CHRNA7: variants seen among roughly 807,000 people sequenced by gnomAD.
CHRNA7 encodes the protein neuronal acetylcholine receptor subunit alpha-7.
A neutral mutation model predicts 48.0 loss-of-function variants in CHRNA7; 17 were observed. The ratio of observed to expected loss-of-function variants is 0.35; its 90% CI spans 0.24 to 0.53. CHRNA7 has a LOEUF of 0.53. Among genes scored for constraint, CHRNA7 ranks in the 20% least tolerant of loss-of-function variants. CHRNA7 has a pLI of 0.92. For synonymous variants in CHRNA7, 75 were observed against 242.3 expected, an observed-to-expected ratio of 0.31 and a Z score of 6.41; for missense variants, 155 against 577.7, an observed-to-expected ratio of 0.27 and a Z score of 7.50.
chr15:32,079,276 AAC>A (rs1291304263), intron 2 of CHRNA7, among the ~76,000 whole-genome samples: 5 of 152,216 alleles, frequency 3.3e-5, no homozygotes, highest in African/African-American at 1.2e-4. Flanking sequence ...ACTCCCATTC[AAC>A]ATAGTATTGG....
chr15:32,067,222 A>G (rs1006435602), intron 2 of CHRNA7, among the ~76,000 whole-genome samples: 1 of 152,218 alleles, frequency 6.6e-6, no homozygotes, highest in African/African-American at 2.4e-5. Flanking sequence ...CCACACCTAG[A>G]TACATCATAA....
chr15:32,095,034 A>G (rs1278020999), intron 2 of CHRNA7, among the ~76,000 whole-genome samples: 2 of 152,252 alleles, frequency 1.3e-5, no homozygotes, highest in African/African-American at 2.4e-5. Context: ...TTGTTTTTAC[A>G]AATAAGGGAA....
At chr15:32,080,715 C>T (rs1302237726) in intron 2 of CHRNA7, among the ~76,000 whole-genome samples, 3 of 152,160 alleles carry the variant, frequency 2.0e-5, no homozygotes, top group Non-Finnish European at 4.4e-5. Context: ...TTAGTTCAAC[C>T]ATTGTGGAAG....
chr15:32,054,063 C>G lies in CHRNA7; in HGVS notation c.195+23026C>G, dbSNP rs1021927518. On this transcript the variant is annotated intron_variant, in intron 2 of 9. Transcript: ENST00000306901. ...TGGTGTCTATACTCTGGGGAGAGGACTTAGAGAGGGAGGAGAACTTATTTA... is the reference window on the plus strand; with the variant it reads ...TGGTGTCTATACTCTGGGGAGAGGAGTTAGAGAGGGAGGAGAACTTATTTA... Among the ~76,000 whole-genome samples the G allele has an allele frequency of 5.3e-5, 8 of 152,248 alleles. No individual in the cohort carries two copies. The South Asian group carries it at 1.0e-3, about 20-fold the overall frequency.
Position 32,031,681 on chromosome 15 carries a change from C to A in CHRNA7, c.195+644C>A, listed in dbSNP as rs192286269. On this transcript the variant is annotated intron_variant, in intron 2 of 9. Coordinates refer to ENST00000306901, the MANE Select transcript of CHRNA7 (RefSeq NM_000746.6). ...CCCTCCAGGCAGCTGCCATCAGTTC[C>A]GTGGGTCTCTTGCCTTGCAGCCTTG... 1.1e-4 allele frequency among the ~76,000 whole-genome samples: 16 copies of A among 152,344 alleles called. No individual in the cohort carries two copies. In the East Asian group the frequency reaches 2.9e-3, roughly 28 times the overall value.
chr15:32,122,598 G>C (rs944139881), intron 4 of CHRNA7, among the ~76,000 whole-genome samples: 1 of 151,754 alleles, frequency 6.6e-6, no homozygotes, highest in African/African-American at 2.4e-5. Flanking sequence ...TAAATAGTTT[G>C]TTTTTTATTG....
At chr15:32,111,976 A>G (rs528035597) in intron 4 of CHRNA7, 77 bp downstream of exon 4, 2 of 918,094 alleles carry the variant, frequency 2.2e-6, no homozygotes, top group African/African-American at 3.3e-5. Context: ...TGAATATTTC[A>G]CAGAGATGCT....
chr15:32,146,747 A>G (rs1464482114), intron 4 of CHRNA7, among the ~76,000 whole-genome samples: 1 of 152,228 alleles, frequency 6.6e-6, no homozygotes, highest in East Asian at 1.9e-4. Flanking sequence ...AATTTTTCCA[A>G]AATAAATTGA....
chr15:32,110,221 T>C (rs2050740917), intron 3 of CHRNA7, among the ~76,000 whole-genome samples: 1 of 151,768 alleles, frequency 6.6e-6, no homozygotes, highest in Non-Finnish European at 1.5e-5. Context: ...GGGAGAGAAA[T>C]GAAGGGAAGC....
At chr15:32,043,759 T>TTTTTTTTG (rs1465357247) in intron 2 of CHRNA7, among the ~76,000 whole-genome samples, 1 of 29,322 alleles carries the variant, frequency 3.4e-5, no homozygotes, top group Non-Finnish European at 1.5e-4. Context: ...TACTCGTATA[T>TTTTTTTTG]TTACCTTTTT....
chr15:32,142,176 ATCATGTGGTTTTTG>A (rs1354319610), intron 4 of CHRNA7, among the ~76,000 whole-genome samples: 1 of 152,200 alleles, frequency 6.6e-6, no homozygotes, highest in East Asian at 1.9e-4. Flanking sequence ...TATTGAGATA[ATCATGTGGTTTTTG>A]TCATTGGTTC....
In CHRNA7 at chr15:32,111,812, A is replaced by G. The variant is rs746590780; in HGVS notation, c.263A>G (p.Gln88Arg). 8 of 1,613,038 alleles carry G rather than the reference A, an allele frequency of 5.0e-6. No individual in the cohort carries two copies. Among genetic ancestry groups the G allele is most frequent in the Non-Finnish European group, 5.9e-6 (7 of 1,178,954 alleles). The change falls in exon 4 of 10, where the codon CAG becomes CGG. Residue 88 changes from glutamine (Q) to arginine (R), a missense_variant. By Grantham distance (43) the Gln-to-Arg change is conservative. Coordinates refer to ENST00000306901, the MANE Select transcript of CHRNA7 (RefSeq NM_000746.6). The stretch of plus-strand genomic sequence containing the variant: ...CAGTCTTGGACAGATCACTATTTAC[A>G]GTGGAATGTGTCAGAATATCCAGGG... ...LQMSWTDHYL[Q>R]WNVSEYPGVK... is the part of the protein sequence containing the mutation.
intron 3 of CHRNA7, 131 bp downstream of exon 3, chr15:32,101,478 A>G (rs1301525317): frequency 2.1e-6 from 2 of 955,120 alleles, no homozygotes; most frequent in African/African-American, 3.3e-5. Flanking sequence ...ACAAAAGGCC[A>G]TGGCTGTCAC....
chr15:32,086,436 A>G (rs1410431026), intron 2 of CHRNA7, among the ~76,000 whole-genome samples: 1 of 152,154 alleles, frequency 6.6e-6, no homozygotes, highest in Non-Finnish European at 1.5e-5. Flanking sequence ...GCTATCTTTA[A>G]AGAAAACTTG....
chr15:32,049,652 A>C (rs1372644869), intron 2 of CHRNA7, among the ~76,000 whole-genome samples: 3 of 152,058 alleles, frequency 2.0e-5, no homozygotes, highest in East Asian at 3.9e-4. Flanking sequence ...TTACATTTGA[A>C]GTTAATATTG....
chr15:32,101,457 A>G (rs1159828735), intron 3 of CHRNA7, 110 bp downstream of exon 3: 1 of 1,204,020 alleles, frequency 8.3e-7, no homozygotes, highest in South Asian at 1.5e-5. Flanking sequence ...TTAGGAAAAA[A>G]AACCAAAAAA....
At chr15:32,056,504 G>T (rs904740687) in intron 2 of CHRNA7, among the ~76,000 whole-genome samples, 1 of 152,176 alleles carries the variant, frequency 6.6e-6, no homozygotes, top group Non-Finnish European at 1.5e-5. Flanking sequence ...TGTCCACTAT[G>T]CCTGTGCCCT....
At chr15:32,098,040 C>T (rs2050501268) in intron 2 of CHRNA7, among the ~76,000 whole-genome samples, 1 of 152,184 alleles carries the variant, frequency 6.6e-6, no homozygotes. Flanking sequence ...CTGCCGGGGG[C>T]CAGAGGGCCA....
In CHRNA7 at chr15:32,040,128, T is replaced by C. The variant is rs57798678; in HGVS notation, c.195+9091T>C. ...TTCTCCATCCATAAGACACTGTTAA[T>C]TTATATGTGTCTTTATATTTAGAGT... is the stretch of plus-strand genomic sequence containing the variant. On this transcript the variant is annotated intron_variant, in intron 2 of 9. Transcript: ENST00000306901. 1.2e-4 allele frequency among the ~76,000 whole-genome samples: 18 copies of C among 152,286 alleles called. No homozygotes were observed. The East Asian group carries it at 3.5e-3, about 29-fold the overall frequency.
Sources: gnomAD v4.1 joint callset for allele counts (sites outside exome capture counted in the v4.1 genomes callset) on GRCh38, gnomAD v4.1.1 for gene constraint, MANE v1.5 for transcripts, NCBI Gene and HGNC (gene_info 2026-07-23, HGNC 2026-07-21) for gene names.